ZBTB7C: variants seen among roughly 807,000 people sequenced by gnomAD.
ZBTB7C encodes the protein zinc finger and BTB domain-containing protein 7C.
Under a neutral mutation model 25.7 loss-of-function variants are expected in ZBTB7C, and 8 were observed. That is an observed-to-expected ratio of 0.31 (90% CI 0.18 to 0.56). The LOEUF (loss-of-function observed/expected upper bound fraction) is 0.56. Among genes scored for constraint, ZBTB7C ranks in the 20% least tolerant of loss-of-function variants. The pLI is 0.91. For missense variants in ZBTB7C, 824 were observed against 855.2 expected (o/e 0.96, Z 0.46); for synonymous variants, 394 against 369.0 (o/e 1.07, Z -0.78).
At chr18:48,228,747 T>TCACACACACACA (rs55895960) in intron 2 of ZBTB7C, among the ~76,000 whole-genome samples, 24 of 141,176 alleles carry the variant, frequency 1.7e-4, no homozygotes, top group Non-Finnish European at 2.1e-4. Flanking sequence ...TCTCTCTCTC[T>TCACACACACACA]CACACACACA....
At chr18:48,227,725 T>C (rs899638168) in intron 2 of ZBTB7C, among the ~76,000 whole-genome samples, 3 of 152,184 alleles carry the variant, frequency 2.0e-5, no homozygotes, top group Admixed American at 6.5e-5. Context: ...TCACTGGAGA[T>C]TGCTGGACTA....
intron 1 of ZBTB7C, among the ~76,000 whole-genome samples, chr18:48,387,174 G>A (rs1162932219): frequency 6.6e-6 from 1 of 152,196 alleles, no homozygotes; most frequent in Non-Finnish European, 1.5e-5. Flanking sequence ...GTCAGGGTAT[G>A]CAAAGATGCA....
At chr18:48,378,491 T>C (rs1201751820) in intron 1 of ZBTB7C, among the ~76,000 whole-genome samples, 2 of 152,292 alleles carry the variant, frequency 1.3e-5, no homozygotes, top group East Asian at 3.9e-4. Context: ...AATACTGACA[T>C]TGAAGATTCC....
At chr18:48,350,460 A>G (rs2145036122) in intron 1 of ZBTB7C, 1 of 152,354 alleles carries the variant, frequency 6.6e-6, no homozygotes, top group South Asian at 2.1e-4. Context: ...ACATCTGGAT[A>G]AACCAGGATA....
At chr18:48,136,043 G>T (rs932752872) in intron 3 of ZBTB7C, among the ~76,000 whole-genome samples, 1 of 152,214 alleles carries the variant, frequency 6.6e-6, no homozygotes, top group Non-Finnish European at 1.5e-5. Flanking sequence ...AGAGCACGGC[G>T]TGGGGGACCC....
chr18:48,165,293 T>A, intron 3 of ZBTB7C: 1 of 465,090 alleles, frequency 2.2e-6, no homozygotes, highest in Non-Finnish European at 4.2e-6. Flanking sequence ...CAGTTCCTCA[T>A]GCATTCGAAT....
At chr18:48,123,293 G>T (rs570091193) in intron 3 of ZBTB7C, among the ~76,000 whole-genome samples, 46 of 152,348 alleles carry the variant, frequency 3.0e-4, no homozygotes, top group Non-Finnish European at 5.4e-4. Flanking sequence ...GCTGCAGAGG[G>T]CACAGAGATG....
At chr18:48,067,362 T>C (rs2037371138) in intron 3 of ZBTB7C, among the ~76,000 whole-genome samples, 2 of 152,188 alleles carry the variant, frequency 1.3e-5, no homozygotes, top group African/African-American at 4.8e-5. Flanking sequence ...CCCTTATTTG[T>C]AAAATCAGGT....
chr18:48,400,202 C>T (rs1397477850), intron 1 of ZBTB7C, among the ~76,000 whole-genome samples: 1 of 152,180 alleles, frequency 6.6e-6, no homozygotes, highest in Non-Finnish European at 1.5e-5. Flanking sequence ...ATAAATGGTC[C>T]AGACAGAACT....
chr18:48,375,031 G>A (rs1440855575), intron 1 of ZBTB7C, among the ~76,000 whole-genome samples: 1 of 152,216 alleles, frequency 6.6e-6, no homozygotes, highest in East Asian at 1.9e-4. Context: ...CAGGCAGACT[G>A]GAAAGTTACA....
chr18:48,279,464 C>A (rs749627355), intron 2 of ZBTB7C, among the ~76,000 whole-genome samples: 1 of 152,226 alleles, frequency 6.6e-6, no homozygotes, highest in African/African-American at 2.4e-5. Flanking sequence ...ATGTGGCAGC[C>A]TTTATCACCA....
chr18:48,269,472 A>C (rs2044410176), intron 2 of ZBTB7C, among the ~76,000 whole-genome samples: 1 of 152,360 alleles, frequency 6.6e-6, no homozygotes, highest in Non-Finnish European at 1.5e-5. Flanking sequence ...GGCCATCAAC[A>C]GTCAGACCAT....
At chr18:48,251,699 A>G (rs1168565363) in intron 2 of ZBTB7C, among the ~76,000 whole-genome samples, 2 of 152,208 alleles carry the variant, frequency 1.3e-5, no homozygotes, top group Non-Finnish European at 2.9e-5. Flanking sequence ...TCTGCATACT[A>G]AAAGATCAGG....
intron 1 of ZBTB7C, among the ~76,000 whole-genome samples, chr18:48,378,153 G>T (rs1032397382): frequency 6.6e-6 from 1 of 152,138 alleles, no homozygotes; most frequent in Non-Finnish European, 1.5e-5. Flanking sequence ...AAAAAGGAAG[G>T]TTGGTTAGCA....
intron 2 of ZBTB7C, among the ~76,000 whole-genome samples, chr18:48,228,868 C>G (rs1199658506): frequency 6.6e-6 from 1 of 152,040 alleles, no homozygotes; most frequent in Non-Finnish European, 1.5e-5. Flanking sequence ...CACAAACACA[C>G]TCTCACTTTA....
At chr18:48,378,863 T>G (rs921056758) in intron 1 of ZBTB7C, among the ~76,000 whole-genome samples, 3 of 152,176 alleles carry the variant, frequency 2.0e-5, no homozygotes, top group Admixed American at 1.3e-4. Flanking sequence ...TGAGGAACTC[T>G]TCCAGAAAGT....
At chr18:48,359,047 C>T (rs1352316556) in intron 1 of ZBTB7C, among the ~76,000 whole-genome samples, 1 of 152,134 alleles carries the variant, frequency 6.6e-6, no homozygotes, top group Admixed American at 6.6e-5. Context: ...GTACTGGCAA[C>T]AAGATGCTCT....
intron 1 of ZBTB7C, among the ~76,000 whole-genome samples, chr18:48,391,179 G>T (rs1298747402): frequency 6.6e-6 from 1 of 152,188 alleles, no homozygotes; most frequent in South Asian, 2.1e-4. Context: ...GCCGCCATGT[G>T]ACGCAGCAGC....
intron 1 of ZBTB7C, among the ~76,000 whole-genome samples, chr18:48,398,251 C>A (rs1366336455): frequency 6.6e-6 from 1 of 152,232 alleles, no homozygotes; most frequent in Admixed American, 6.5e-5. Context: ...GATGACAGCC[C>A]CCTCTGTCCA....
Sources: allele counts gnomAD v4.1 joint callset (sites outside exome capture counted in the v4.1 genomes callset), GRCh38; gene constraint gnomAD v4.1.1; transcripts MANE v1.5; gene names NCBI Gene and HGNC (gene_info 2026-07-23, HGNC 2026-07-21).